MFAP3L: variants seen among roughly 807,000 people sequenced by gnomAD.
MFAP3L encodes the protein microfibrillar-associated protein 3-like.
In MFAP3L, 5 loss-of-function variants were observed where a neutral mutation model predicts 20.0. The observed-to-expected ratio is 0.25, with a 90% confidence interval of 0.13 to 0.53. MFAP3L has a LOEUF of 0.53. Ranked by LOEUF, MFAP3L falls within the 20% of genes least tolerant of loss-of-function variation. The pLI is 0.96. For synonymous variants in MFAP3L, 219 were observed against 213.0 expected (o/e 1.03, Z -0.25); for missense variants, 409 against 527.5 (o/e 0.78, Z 2.20).
At chr4:170,026,631 T>C (rs1231416362), upstream of MFAP3L, among the ~76,000 whole-genome samples, 6 of 151,994 alleles carry the variant, frequency 3.9e-5, no homozygotes, top group African/African-American at 9.7e-5. Flanking sequence ...TTCAGTCCGC[T>C]CAGCCTCTGG....
At chr4:169,996,309 CTTTT>C (rs1376034594) in intron 2 of MFAP3L, among the ~76,000 whole-genome samples, 1 of 145,564 alleles carries the variant, frequency 6.9e-6, no homozygotes, top group Non-Finnish European at 1.5e-5. Flanking sequence ...GGGCAGTGAT[CTTTT>C]TTTATCTTGC....
chr4:170,013,230 T>C (rs1389970280), intron 1 of MFAP3L, among the ~76,000 whole-genome samples: 1 of 152,150 alleles, frequency 6.6e-6, no homozygotes, highest in Non-Finnish European at 1.5e-5. Context: ...AATCATTATT[T>C]TAAAAAATCA....
chr4:170,027,076 T>C (rs747711997), upstream of MFAP3L: 1 of 152,174 alleles, frequency 6.6e-6, no homozygotes, highest in East Asian at 1.9e-4. Flanking sequence ...TTAAAAATAT[T>C]ATTTGTAATT....
chr4:169,990,968 C>T lies in MFAP3L; in HGVS notation c.*410G>A, dbSNP rs763292649. The T allele has an allele frequency of 2.1e-4, 37 of 173,992 alleles. No homozygotes were observed. The highest frequency in any genetic ancestry group is 3.3e-4 in the Non-Finnish European group (27 of 81,858). The allele number at this position is 173,992 out of a possible 1,614,324, so 10.8% of individuals were successfully genotyped here. A position where few individuals can be genotyped will look rare whatever the true frequency, so the allele number is the denominator to read the frequency against. On this transcript the variant is annotated 3_prime_UTR_variant, in exon 3 of 3. Transcript: ENST00000361618. ...CTGAGAAGAAACTGCAAAAAACCCA[C>T]GTACGTGCATTTGCTATTGTAGCAG...
In MFAP3L at chr4:169,989,491, C is replaced by T. The variant is rs577904895; in HGVS notation, c.*1887G>A. On this transcript the variant is annotated 3_prime_UTR_variant, in exon 3 of 3. Transcript: ENST00000361618. Reference sequence around the variant, plus strand: ...CCCATTTTTTGCTTGTCTCATGCAACGGGGGTTGGTTATCCTGGAAGACTG... The same window carrying T: ...CCCATTTTTTGCTTGTCTCATGCAATGGGGGTTGGTTATCCTGGAAGACTG... 4.6e-5 allele frequency: 7 copies of T among 152,308 alleles called. No homozygotes were observed. The South Asian group carries it at 6.2e-4, about 14-fold the overall frequency. 9.4% of individuals were successfully genotyped at this position (152,308 alleles called of 1,614,324 possible). A position where few individuals can be genotyped will look rare whatever the true frequency, so the allele number is the denominator to read the frequency against.
intron 1 of MFAP3L, among the ~76,000 whole-genome samples, chr4:170,020,219 G>A (rs1430313710): frequency 2.0e-5 from 3 of 152,126 alleles, no homozygotes; most frequent in African/African-American, 4.8e-5. Flanking sequence ...AGACAGGTGG[G>A]CCTTCCACAT....
intron 1 of MFAP3L, among the ~76,000 whole-genome samples, chr4:170,020,437 T>G (rs1477444306): frequency 2.0e-5 from 3 of 152,194 alleles, no homozygotes; most frequent in Non-Finnish European, 4.4e-5. Flanking sequence ...CCTCTAGTCT[T>G]GCCTGCCTCC....
rs1180914183 is a variant in MFAP3L at position 169,990,626 on chromosome 4, TTAA to T, written c.*749_*751del. ...AGACAGGTAAACACATTTTTGACTA[TTAA>T]AGTGCTATTCCGGGGCAAAGTTTTT... On this transcript the variant is annotated 3_prime_UTR_variant, in exon 3 of 3. Coordinates refer to ENST00000361618, the MANE Select transcript of MFAP3L (RefSeq NM_021647.8). 1 of 152,588 alleles carries T rather than the reference TTAA, an allele frequency of 6.6e-6. No individual in the cohort carries two copies. The highest frequency in any genetic ancestry group is 1.5e-5 in the Non-Finnish European group (1 of 68,028). The allele number at this position is 152,588 out of a possible 1,614,324, so 9.5% of individuals were successfully genotyped here.
At chr4:170,018,766 C>A (rs1739851769) in intron 1 of MFAP3L, among the ~76,000 whole-genome samples, 1 of 152,152 alleles carries the variant, frequency 6.6e-6, no homozygotes, top group Admixed American at 6.5e-5. Flanking sequence ...ATTGTCCAAA[C>A]CTTGAAGAAA....
rs1267386549 is a variant in MFAP3L at position 169,991,143 on chromosome 4, T to C, written c.*235A>G. 4 of 559,458 alleles carry C rather than the reference T, an allele frequency of 7.1e-6. No individual in the cohort carries two copies. Among genetic ancestry groups the C allele is most frequent in the Non-Finnish European group, 1.3e-5 (4 of 317,488 alleles). 34.7% of individuals were successfully genotyped at this position (559,458 alleles called of 1,614,324 possible). On this transcript the variant is annotated 3_prime_UTR_variant, in exon 3 of 3. Coordinates refer to ENST00000361618, the MANE Select transcript of MFAP3L (RefSeq NM_021647.8). This position sits in a 1 kb window ranked among gnomAD's most constrained non-coding sequence, Gnocchi z 4.9. ...TCAGCCTCTGAAACTCATTATCACATAGACACCTTCTGTCTGGTATCAATT... is the reference window on the plus strand; with the variant it reads ...TCAGCCTCTGAAACTCATTATCACACAGACACCTTCTGTCTGGTATCAATT...
chr4:170,025,043 G>C (rs1396270216), intron 1 of MFAP3L, among the ~76,000 whole-genome samples: 1 of 152,192 alleles, frequency 6.6e-6, no homozygotes, highest in East Asian at 1.9e-4. Flanking sequence ...ACTAGAACAG[G>C]ATTGTTTATC....
At chr4:170,003,637 G>T in intron 2 of MFAP3L, 1 of 972,122 alleles carries the variant, frequency 1.0e-6, no homozygotes, top group Non-Finnish European at 1.2e-6. Context: ...GGAGTTCAGT[G>T]CCCCAACCCA....
In MFAP3L at chr4:169,991,739, G is replaced by A; in HGVS notation, c.869C>T (p.Pro290Leu). The A allele has an allele frequency of 6.2e-7, 1 of 1,614,068 alleles. No individual in the cohort carries two copies. Among genetic ancestry groups the A allele is most frequent in the Middle Eastern group, 1.6e-4 (1 of 6,062 alleles). The change falls in exon 3 of 3, where the codon CCC (proline) becomes CTC (leucine). Residue 290 changes from proline (P) to leucine (L), a missense_variant. Transcript: ENST00000361618. The surrounding 1 kb of genome is among the most constrained non-coding windows in gnomAD (Gnocchi z 4.9). ...AADRDEVYTIPNSLKRSDSPA... is the reference protein window; with the variant it reads ...AADRDEVYTILNSLKRSDSPA... ...GGAGTCGCTCCGCTTCAGAGAGTTGGGGATTGTGTAGACCTCATCCCTGTC... is the reference window on the plus strand; with the variant it reads ...GGAGTCGCTCCGCTTCAGAGAGTTGAGGATTGTGTAGACCTCATCCCTGTC...
chr4:169,997,766 C>A, intron 2 of MFAP3L: 1 of 984,500 alleles, frequency 1.0e-6, no homozygotes, highest in Non-Finnish European at 1.2e-6. Context: ...GCCTGGATGG[C>A]CGACTCCTGC....
At chr4:170,017,287 C>A (rs1560989387) in intron 1 of MFAP3L, among the ~76,000 whole-genome samples, 2 of 152,162 alleles carry the variant, frequency 1.3e-5, no homozygotes, top group African/African-American at 4.8e-5. Context: ...AGAACTGGAT[C>A]TCGGTGAAAA....
intron 1 of MFAP3L, among the ~76,000 whole-genome samples, chr4:170,018,742 C>G (rs1310560371): frequency 5.3e-5 from 8 of 152,112 alleles, no homozygotes; most frequent in Non-Finnish European, 1.2e-4. Context: ...GACTCAAAGA[C>G]CAAGTAATCT....
At chr4:169,994,464 T>C (rs1737985538) in intron 2 of MFAP3L, 2 of 982,084 alleles carry the variant, frequency 2.0e-6, no homozygotes, top group Non-Finnish European at 2.4e-6. Flanking sequence ...TATGTTCTAA[T>C]TGTTATAGAA....
At chr4:170,002,948 T>C (rs1011230767) in intron 2 of MFAP3L, among the ~76,000 whole-genome samples, 4 of 152,122 alleles carry the variant, frequency 2.6e-5, no homozygotes, top group Non-Finnish European at 5.9e-5. Context: ...AATATGGACA[T>C]TTCCCCCTTC....
chr4:170,020,619 TC>T (rs1245657048), intron 1 of MFAP3L, among the ~76,000 whole-genome samples: 1 of 26,100 alleles, frequency 3.8e-5, no homozygotes, highest in African/African-American at 1.6e-4. Context: ...AGCCTCCCCC[TC>T]CCCCCTCCCT....
Sources: allele counts gnomAD v4.1 joint callset (sites outside exome capture counted in the v4.1 genomes callset), GRCh38; gene constraint gnomAD v4.1.1; non-coding constraint Gnocchi (gnomAD v3.1); transcripts MANE v1.5; gene names NCBI Gene and HGNC (gene_info 2026-07-23, HGNC 2026-07-21).